BST2: variants seen among roughly 807,000 people sequenced by gnomAD.
The protein encoded by BST2 is bone marrow stromal antigen 2.
In BST2, 10 loss-of-function variants were observed where a neutral mutation model predicts 18.6. That is an observed-to-expected ratio of 0.54 (90% confidence interval 0.33 to 0.91). The LOEUF is 0.91. Among genes scored for constraint, BST2 ranks in the 40% least tolerant of loss-of-function variants. The pLI is 0.02. For missense variants in BST2, 183 were observed against 228.4 expected (o/e 0.80, Z 1.28); for synonymous variants, 75 against 96.8 (o/e 0.77, Z 1.32).
chr19:17,405,287 T>C lies in BST2; in HGVS notation c.285+4A>G. 2 of 1,607,090 alleles carry C rather than the reference T, an allele frequency of 1.2e-6. No homozygotes were observed. Among genetic ancestry groups the C allele is most frequent in the Non-Finnish European group, 1.7e-6 (2 of 1,176,504 alleles). Reference sequence around the variant, plus strand: ...AGGCCATCCAAAGGAGTTGAGGAGCTTACCACAGTGTGGTTGCAGGTGGCG... The same window carrying C: ...AGGCCATCCAAAGGAGTTGAGGAGCCTACCACAGTGTGGTTGCAGGTGGCG... On this transcript the variant is annotated splice_donor_region_variant and intron_variant, in intron 1 of 4. Coordinates refer to ENST00000252593, the MANE Select transcript of BST2 (RefSeq NM_004335.4).
rs1250025110 is a variant in BST2 at position 17,403,687 on chromosome 19, C to T, written c.*8G>A. 1 of 1,611,820 alleles carries T rather than the reference C, an allele frequency of 6.2e-7. No homozygotes were observed. Among genetic ancestry groups the T allele is most frequent in the African/African-American group, 1.3e-5 (1 of 74,828 alleles). ...CGCCCCCTCCTCACTGACCAGCTTCCTGGGATCTCACTGCAGCAGAGCGCT... is the reference window on the plus strand; with the variant it reads ...CGCCCCCTCCTCACTGACCAGCTTCTTGGGATCTCACTGCAGCAGAGCGCT... On this transcript the variant is annotated 3_prime_UTR_variant, in exon 4 of 5. Coordinates refer to ENST00000252593, the MANE Select transcript of BST2 (RefSeq NM_004335.4).
At chr19:17,403,375 T>G in intron 4 of BST2, 49 bp from the exon 5 acceptor site, 1 of 1,116,354 alleles carries the variant, frequency 9.0e-7, no homozygotes, top group Non-Finnish European at 1.1e-6. Flanking sequence ...CAGCAGACAC[T>G]GGCCCCGCTC....
chr19:17,403,763 C>T lies in BST2; in HGVS notation c.475G>A (p.Asp159Asn). 1.2e-6 allele frequency: 2 copies of T among 1,614,042 alleles called. No homozygotes were observed. Among genetic ancestry groups the T allele is most frequent in the Admixed American group, 1.7e-5 (1 of 59,992 alleles). Reference sequence around the variant, plus strand: ...TGGGGCGCCGCAGCGGAGCTGGAGTCCTGGGAGCTGGGGTAGTACTTCTTG... The same window carrying T: ...TGGGGCGCCGCAGCGGAGCTGGAGTTCTGGGAGCTGGGGTAGTACTTCTTG... Reference protein sequence around the residue: ...ADKKYYPSSQDSSSAAAPQLL... With the variant: ...ADKKYYPSSQNSSSAAAPQLL... The change falls in exon 4 of 5, where the codon GAC becomes AAC. Residue 159 changes from aspartate to asparagine, a missense_variant. By Grantham distance (23) the Asp-to-Asn change is conservative. Coordinates refer to ENST00000252593, the MANE Select transcript of BST2 (RefSeq NM_004335.4).
intron 1 of BST2, 82 bp downstream of exon 1, chr19:17,405,209 C>T: frequency 6.8e-7 from 1 of 1,469,124 alleles, no homozygotes; most frequent in Non-Finnish European, 9.1e-7. Flanking sequence ...TGGAGACCCA[C>T]CCTGGGTCAG....
chr19:17,403,594 C>A, intron 4 of BST2, 86 bp downstream of exon 4: 1 of 1,505,538 alleles, frequency 6.6e-7, no homozygotes, highest in East Asian at 2.3e-5. Flanking sequence ...CCTGCAGCCT[C>A]TCTCTCTAGA....
Position 17,405,504 on chromosome 19 carries a change from C to G in BST2, c.72G>C (p.Leu24=), listed in dbSNP as rs745875610. The change falls in exon 1 of 5, where the codon CTG becomes CTC. Residue 24 remains leucine, a synonymous_variant. Transcript: ENST00000252593. ...EDGDKRCKLL[L]GIGILVLLII... ...TCAGGAGCACCAGAATTCCTATCCCCAGCAGAAGCTTACAGCGCTTATCCC... is the reference window on the plus strand; with the variant it reads ...TCAGGAGCACCAGAATTCCTATCCCGAGCAGAAGCTTACAGCGCTTATCCC... 6.2e-7 allele frequency: 1 copy of G among 1,614,118 alleles called. No homozygotes were observed. Among genetic ancestry groups the G allele is most frequent in the African/African-American group, 1.3e-5 (1 of 74,948 alleles).
At position 17,403,940 on chromosome 19, in the gene BST2, G is replaced by A. The variant is rs553471987; in HGVS notation, c.414-116C>T. 8 of 1,434,134 alleles carry A rather than the reference G, an allele frequency of 5.6e-6. No individual in the cohort carries two copies. In the African/African-American group the frequency reaches 8.4e-5, roughly 15 times the overall value. The allele number at this position is 1,434,134 out of a possible 1,614,324, so 88.8% of individuals were successfully genotyped here. A position where few individuals can be genotyped will look rare whatever the true frequency, so the allele number is the denominator to read the frequency against. On this transcript the variant is annotated intron_variant, in intron 3 of 4. Coordinates refer to ENST00000252593, the MANE Select transcript of BST2 (RefSeq NM_004335.4). ...CCGCCCCAATCCAAGTCACCGGGGAGGGAATGGACAGCGGCCACCCATGGC... is the reference window on the plus strand; with the variant it reads ...CCGCCCCAATCCAAGTCACCGGGGAAGGAATGGACAGCGGCCACCCATGGC...
chr19:17,403,544 C>T (rs1360616570), intron 4 of BST2, 136 bp downstream of exon 4: 8 of 1,244,466 alleles, frequency 6.4e-6, no homozygotes, highest in Non-Finnish European at 8.5e-6. Context: ...GATTCTCCCT[C>T]CTTCCCCAAG....
chr19:17,404,261 G>T, intron 2 of BST2, 72 bp from the exon 3 acceptor site: 1 of 1,561,670 alleles, frequency 6.4e-7, no homozygotes, highest in Non-Finnish European at 8.8e-7. Context: ...CTCCACTCTG[G>T]GACAGAACCT....
Position 17,403,752 on chromosome 19 carries a change from G to C in BST2, c.486C>G (p.Ser162=), listed in dbSNP as rs910916361. The change falls in exon 4 of 5, where the codon TCC becomes TCG. Residue 162 remains serine, a synonymous_variant. Transcript: ENST00000252593. ...KYYPSSQDSS[S]AAAPQLLIVL... ...CAATCAGCAGCTGGGGCGCCGCAGC[G>C]GAGCTGGAGTCCTGGGAGCTGGGGT... is the stretch of plus-strand genomic sequence containing the variant. 3 of 1,613,858 alleles carry C rather than the reference G, an allele frequency of 1.9e-6. No homozygotes were observed. In the African/African-American group the frequency reaches 4.0e-5, roughly 22 times the overall value.
Position 17,403,676 on chromosome 19 carries a change from T to C in BST2, c.*15+4A>G. The stretch of plus-strand genomic sequence containing the variant: ...CCTCCCGGGGCCGCCCCCTCCTCAC[T>C]GACCAGCTTCCTGGGATCTCACTGC... On this transcript the variant is annotated splice_donor_region_variant and intron_variant, in intron 4 of 4. Coordinates refer to ENST00000252593, the MANE Select transcript of BST2 (RefSeq NM_004335.4). 1.9e-6 allele frequency: 3 copies of C among 1,567,576 alleles called. No homozygotes were observed. In the African/African-American group the frequency reaches 4.1e-5, roughly 22 times the overall value.
At chr19:17,404,272 C>A (rs118079631) in intron 2 of BST2, 83 bp from the exon 3 acceptor site, 1 of 1,548,420 alleles carries the variant, frequency 6.5e-7, no homozygotes, top group Non-Finnish European at 8.9e-7. Context: ...GACAGAACCT[C>A]CCCCTTACCC....
At position 17,403,373 on chromosome 19, in the gene BST2, A is replaced by C. The variant is rs935733148; in HGVS notation, c.*16-47T>G. ...TCAGGGCAGACTGGAGGCAGCAGAC[A>C]CTGGCCCCGCTCCAAGCCCGGCCCC... is the stretch of plus-strand genomic sequence containing the variant. On this transcript the variant is annotated intron_variant, in intron 4 of 4. Transcript: ENST00000252593. 1.4e-5 allele frequency: 16 copies of C among 1,115,430 alleles called. No individual in the cohort carries two copies. In the African/African-American group the frequency reaches 2.6e-4, roughly 18 times the overall value. The allele number at this position is 1,115,430 out of a possible 1,614,324, so 69.1% of individuals were successfully genotyped here.
At chr19:17,405,233 G>C in intron 1 of BST2, 58 bp downstream of exon 1, 1 of 1,517,946 alleles carries the variant, frequency 6.6e-7, no homozygotes, top group Non-Finnish European at 8.8e-7. Context: ...TCTGGGGAGA[G>C]ATTCTTGTCC....
At chr19:17,403,382 G>A in intron 4 of BST2, 56 bp from the exon 5 acceptor site, 1 of 1,113,382 alleles carries the variant, frequency 9.0e-7, no homozygotes, top group Non-Finnish European at 1.1e-6. Context: ...CACTGGCCCC[G>A]CTCCAAGCCC....
rs200901635 is a variant in BST2 at position 17,403,873 on chromosome 19, G to T, written c.414-49C>A. ...GCATCTGCTCGTCCTGGCTCCTGCC[G>T]CCCTCCCTGTAAGCCCACCGCCCCC... On this transcript the variant is annotated intron_variant, in intron 3 of 4. Transcript: ENST00000252593. 2.1e-5 allele frequency: 33 copies of T among 1,587,150 alleles called. No homozygotes were observed. The African/African-American group carries it at 4.2e-4, about 20-fold the overall frequency.
rs751907968 is a variant in BST2, at chr19:17,405,448, A to T, written c.128T>A (p.Ile43Asn). Residue 43 changes from isoleucine (I) to asparagine (N), a missense_variant, in exon 1 of 5, where the codon ATC (isoleucine) becomes AAC (asparagine). Coordinates refer to ENST00000252593, the MANE Select transcript of BST2 (RefSeq NM_004335.4). Reference sequence around the variant, plus strand: ...CTCGCTGTTGGCCTTGATGGTGAAGATAATCAAGGGCACCCCCAGAATCAC... The same window carrying T: ...CTCGCTGTTGGCCTTGATGGTGAAGTTAATCAAGGGCACCCCCAGAATCAC... ...IIVILGVPLI[I>N]FTIKANSEAC... 1.2e-6 allele frequency: 2 copies of T among 1,614,238 alleles called. No homozygotes were observed. Among genetic ancestry groups the T allele is most frequent in the Non-Finnish European group, 1.7e-6 (2 of 1,180,034 alleles).
At position 17,405,438 on chromosome 19, in the gene BST2, G is replaced by C; in HGVS notation, c.138C>G (p.Ile46Met). ...ILGVPLIIFT[I>M]KANSEACRDG... ...CCCGGCAGGCCTCGCTGTTGGCCTT[G>C]ATGGTGAAGATAATCAAGGGCACCC... Residue 46 changes from isoleucine to methionine, a missense_variant, in exon 1 of 5, where the codon ATC becomes ATG. Physicochemically the swap from Ile to Met is conservative, Grantham distance 10. Coordinates refer to ENST00000252593, the MANE Select transcript of BST2 (RefSeq NM_004335.4). 6.2e-7 allele frequency: 1 copy of C among 1,614,248 alleles called. No homozygotes were observed. The highest frequency in any genetic ancestry group is 8.5e-7 in the Non-Finnish European group (1 of 1,180,048).
rs199684136 is a variant in BST2, at chr19:17,403,004, A to AC, written c.*337dup. The AC allele has an allele frequency of 9.2e-4, 903 of 978,724 alleles. No homozygotes were observed. Among genetic ancestry groups the AC allele is most frequent in the African/African-American group, 2.6e-3 (142 of 55,098 alleles). 60.6% of individuals were successfully genotyped at this position (978,724 alleles called of 1,614,324 possible). ...AGCTCAAAGACCCCAGAAAAAAGCA[A>AC]CCCCCCCCGCAAAAAAAACCCATAA... On this transcript the variant is annotated 3_prime_UTR_variant, in exon 5 of 5. Coordinates refer to ENST00000252593, the MANE Select transcript of BST2 (RefSeq NM_004335.4).
Sources: gnomAD v4.1 joint callset for allele counts on GRCh38, gnomAD v4.1.1 for gene constraint, MANE v1.5 for transcripts, NCBI Gene and HGNC (gene_info 2026-07-23, HGNC 2026-07-21) for gene names.